RFWD3: variants seen among roughly 807,000 people sequenced by gnomAD.
The protein encoded by RFWD3 is E3 ubiquitin-protein ligase RFWD3.
In RFWD3, 65 loss-of-function variants were observed where a neutral mutation model predicts 87.7. The observed-to-expected ratio is 0.74, with a 90% CI of 0.61 to 0.91. The LOEUF is 0.91. RFWD3 is among the 40% of genes least tolerant of loss of function. The pLI is 0.00. For synonymous variants in RFWD3, 433 were observed against 352.8 expected, an observed-to-expected ratio of 1.23 and a Z score of -2.55; for missense variants, 1,078 against 938.5, an observed-to-expected ratio of 1.15 and a Z score of -1.94.
At chr16:74,664,896 G>A (rs551763949) in intron 1 of RFWD3, among the ~76,000 whole-genome samples, 2 of 152,302 alleles carry the variant, frequency 1.3e-5, no homozygotes, top group East Asian at 1.9e-4. Flanking sequence ...TCTATGGAAC[G>A]GTGCAGTTCT....
chr16:74,655,507 A>G (rs1960902007), intron 2 of RFWD3, among the ~76,000 whole-genome samples: 1 of 150,154 alleles, frequency 6.7e-6, no homozygotes, highest in East Asian at 2.0e-4. Context: ...TCGGCCTCCC[A>G]AAGTCCTGGG....
chr16:74,641,011 A>C (rs573085438), intron 6 of RFWD3, among the ~76,000 whole-genome samples: 32 of 152,292 alleles, frequency 2.1e-4, no homozygotes, highest in African/African-American at 6.7e-4. Flanking sequence ...GAAAAGTTTA[A>C]GTTAGAAAAG....
intron 8 of RFWD3, among the ~76,000 whole-genome samples, chr16:74,634,306 T>C (rs563997128): frequency 6.6e-6 from 1 of 152,104 alleles, no homozygotes; most frequent in South Asian, 2.1e-4. Context: ...CAAAAACCAA[T>C]AACCTTTTAA....
At chr16:74,628,966 G>A (rs954484731) in intron 10 of RFWD3, among the ~76,000 whole-genome samples, 2 of 152,032 alleles carry the variant, frequency 1.3e-5, no homozygotes, top group Non-Finnish European at 2.9e-5. Context: ...CTGATGTGAA[G>A]CTTCTGGAAA....
chr16:74,637,806 T>C, intron 7 of RFWD3, 50 bp downstream of exon 7: 1 of 1,344,182 alleles, frequency 7.4e-7, no homozygotes, highest in South Asian at 1.2e-5. Context: ...ATTAGCTTCC[T>C]CTTCCATTCC....
intron 4 of RFWD3, among the ~76,000 whole-genome samples, chr16:74,647,756 TA>T (rs140802226): frequency 0.018 from 2,788 of 152,186 alleles, 37 homozygotes; most frequent in Non-Finnish European, 0.028. Context: ...CATACCCAGC[TA>T]ATCTTTGCAT....
At position 74,630,897 on chromosome 16, in the gene RFWD3, G is replaced by A. The variant is rs1378180786; in HGVS notation, c.1638C>T (p.Cys546=). The change falls in exon 10 of 13, where the codon TGC becomes TGT. Residue 546 remains cysteine, a synonymous_variant. Coordinates refer to ENST00000361070, the MANE Select transcript of RFWD3 (RefSeq NM_018124.4). ...YNAGRPVWSC[C]WCLDEANYIY... ...TGTAGTTAGCCTCATCAAGACACCAGCAACAGCTCCAGACAGGACGTCCAG... is the reference window on the plus strand; with the variant it reads ...TGTAGTTAGCCTCATCAAGACACCAACAACAGCTCCAGACAGGACGTCCAG... 2 of 1,614,006 alleles carry A rather than the reference G, an allele frequency of 1.2e-6. No homozygotes were observed. The highest frequency in any genetic ancestry group is 2.2e-5 in the South Asian group (2 of 91,056).
chr16:74,642,296 G>A (rs1011940822), intron 6 of RFWD3, among the ~76,000 whole-genome samples: 5 of 151,856 alleles, frequency 3.3e-5, no homozygotes, highest in African/African-American at 1.2e-4. Context: ...ATAATTTTTT[G>A]TATTTTTAGT....
At chr16:74,656,485 T>TA (rs1009146978) in intron 2 of RFWD3, among the ~76,000 whole-genome samples, 1 of 151,014 alleles carries the variant, frequency 6.6e-6, no homozygotes, top group African/African-American at 2.4e-5. Context: ...TCCACCATTC[T>TA]TTTTTTTTCT....
In RFWD3 at chr16:74,626,552, T is replaced by C. The variant is rs757318624; in HGVS notation, c.1972A>G (p.Lys658Glu). Reference protein sequence around the residue: ...RHCLVTYRPDKNHTTIRSVLM... With the variant: ...RHCLVTYRPDENHTTIRSVLM... ...ACACTTCGTATGGTGGTGTGATTTT[T>C]ATCTATGGGACAGAGAAATCAGTGC... The change falls in exon 12 of 13, where the codon AAA becomes GAA. Residue 658 changes from lysine to glutamate, a missense_variant and splice_region_variant. Transcript: ENST00000361070. 8.7e-6 allele frequency: 14 copies of C among 1,613,732 alleles called. No individual in the cohort carries two copies. Among genetic ancestry groups the C allele is most frequent in the Non-Finnish European group, 1.2e-5 (14 of 1,179,636 alleles).
intron 11 of RFWD3, 135 bp downstream of exon 11, chr16:74,628,317 T>C: frequency 1.3e-6 from 1 of 754,178 alleles, no homozygotes. Context: ...CTCCCTGTAG[T>C]AGCAAGAGCT....
rs981762219 is a variant in RFWD3, at chr16:74,636,236, T to C, written c.1426+110A>G. 5.4e-6 allele frequency: 5 copies of C among 934,116 alleles called. No homozygotes were observed. The Admixed American group carries it at 6.3e-5, about 12-fold the overall frequency. 57.9% of individuals were successfully genotyped at this position (934,116 alleles called of 1,614,324 possible). A position where few individuals can be genotyped will look rare whatever the true frequency, so the allele number is the denominator to read the frequency against. On this transcript the variant is annotated intron_variant, in intron 8 of 12. Coordinates refer to ENST00000361070, the MANE Select transcript of RFWD3 (RefSeq NM_018124.4). ...GGTACTTGCATTAACAAGGAACTAA[T>C]AGGGAAAGGTGATTTGGTAACCTTT...
intron 4 of RFWD3, among the ~76,000 whole-genome samples, chr16:74,648,500 C>T (rs897802155): frequency 5.4e-5 from 8 of 149,438 alleles, no homozygotes; most frequent in African/African-American, 1.5e-4. Flanking sequence ...AGGCCAGGAA[C>T]GGTGGCTCAC....
intron 2 of RFWD3, among the ~76,000 whole-genome samples, chr16:74,659,257 C>T (rs998324857): frequency 2.6e-5 from 4 of 152,184 alleles, no homozygotes; most frequent in African/African-American, 7.2e-5. Context: ...TGAGGACTTG[C>T]AAGAGGCCTC....
rs1567588364 is a variant in RFWD3, at chr16:74,661,256, GC to G, written c.193del (p.Ala65ArgfsTer16). On this transcript the variant is annotated frameshift_variant, in exon 2 of 13. Coordinates refer to ENST00000361070, the MANE Select transcript of RFWD3 (RefSeq NM_018124.4). LOFTEE classifies it high-confidence loss of function. The stretch of plus-strand genomic sequence containing the variant: ...AGCAGGCTGGAGCAGGGGTGGTGTC[GC>G]TTGGCTGCTGATCACCTCAGCAGGA... ...PAPAEVISSQ[A>X]TPPLLQPAPQ... 2 of 1,614,114 alleles carry G rather than the reference GC, an allele frequency of 1.2e-6. No homozygotes were observed. The highest frequency in any genetic ancestry group is 1.7e-6 in the Non-Finnish European group (2 of 1,180,014).
intron 1 of RFWD3, among the ~76,000 whole-genome samples, chr16:74,664,997 C>T (rs750725702): frequency 3.3e-5 from 5 of 152,220 alleles, no homozygotes; most frequent in African/African-American, 4.8e-5. Context: ...GAGGATGTCA[C>T]ACAAACGCTG....
chr16:74,638,666 C>T (rs955721312), intron 6 of RFWD3, among the ~76,000 whole-genome samples: 6 of 152,162 alleles, frequency 3.9e-5, no homozygotes, highest in African/African-American at 1.4e-4. Context: ...TACAGTTTAG[C>T]AACGCTGCTG....
In RFWD3 at chr16:74,626,443, G is replaced by C. The variant is rs778265025; in HGVS notation, c.2081C>G (p.Pro694Arg). 5 of 1,614,138 alleles carry C rather than the reference G, an allele frequency of 3.1e-6. No homozygotes were observed. The highest frequency in any genetic ancestry group is 4.2e-6 in the Non-Finnish European group (5 of 1,180,016). ...ATTTTTGGTCAATAGTTTGCAAGTA[G>C]GTCCTCCAAAAAATGTATGTACAGG... ...CQPVHTFFGG[P>R]TCKLLTKNAI... The change falls in exon 12 of 13, where the codon CCT (proline) becomes CGT (arginine). Residue 694 changes from proline to arginine, a missense_variant. Transcript: ENST00000361070.
rs1959929010 is a variant in RFWD3 at position 74,644,343 on chromosome 16, G to A, written c.1079+19C>T. ...AACCAAAAGGGAACATTCCAGCCAG[G>A]CATACTCTTACCACCTACCTTTTCA... On this transcript the variant is annotated intron_variant, in intron 6 of 12. Transcript: ENST00000361070. 4 of 1,610,412 alleles carry A rather than the reference G, an allele frequency of 2.5e-6. No homozygotes were observed. The highest frequency in any genetic ancestry group is 1.8e-4 in the Middle Eastern group (1 of 5,652).
Sources: gnomAD v4.1 joint callset for allele counts (sites outside exome capture counted in the v4.1 genomes callset) on GRCh38, gnomAD v4.1.1 for gene constraint, MANE v1.5 for transcripts, NCBI Gene and HGNC (gene_info 2026-07-23, HGNC 2026-07-21) for gene names.